CRACR2A: variants seen among roughly 807,000 people sequenced by gnomAD.
CRACR2A encodes calcium release activated channel regulator 2A.
In CRACR2A, 79 loss-of-function variants were observed where a neutral mutation model predicts 90.5. The ratio of observed to expected loss-of-function variants is 0.87; its 90% CI spans 0.73 to 1.05. CRACR2A has a LOEUF of 1.05. CRACR2A is among the 50% of genes least tolerant of loss of function. The pLI, the probability that CRACR2A is intolerant of heterozygous loss-of-function variation, is 0.00. For missense variants in CRACR2A, 823 were observed against 897.2 expected (o/e 0.92, Z 1.06); for synonymous variants, 338 against 356.7 (o/e 0.95, Z 0.59).
chr12:3,641,729 T>TA lies in CRACR2A; in HGVS notation c.1271+2dup. The TA allele has an allele frequency of 6.4e-7, 1 of 1,551,104 alleles. No homozygotes were observed. Among genetic ancestry groups the TA allele is most frequent in the Admixed American group, 2.0e-5 (1 of 51,004 alleles). ...AAGGGATGAGCAAGTGGAGATGACT[T>TA]ACCTCCTAAGAATCCCTCTGCTGTC... On this transcript the variant is annotated splice_region_variant and intron_variant, in intron 13 of 19. Coordinates refer to ENST00000440314, the MANE Select transcript of CRACR2A (RefSeq NM_001144958.2).
chr12:3,724,678 A>AC (rs1946234962), intron 2 of CRACR2A, among the ~76,000 whole-genome samples: 1 of 152,200 alleles, frequency 6.6e-6, no homozygotes. Context: ...TATCACCCAG[A>AC]CCGTCTGGGG....
At chr12:3,648,691 C>T in intron 10 of CRACR2A, 78 bp from the exon 11 acceptor site, 2 of 1,541,148 alleles carry the variant, frequency 1.3e-6, no homozygotes, top group Non-Finnish European at 1.8e-6. Flanking sequence ...TGGAGACCAG[C>T]AGGTGATGCC....
At chr12:3,742,882 T>C (rs1946549468) in intron 1 of CRACR2A, among the ~76,000 whole-genome samples, 2 of 152,254 alleles carry the variant, frequency 1.3e-5, no homozygotes. Context: ...GCAAAAGTTA[T>C]ACATGCTATC....
chr12:3,689,826 A>G (rs1294611186), intron 4 of CRACR2A, among the ~76,000 whole-genome samples: 1 of 150,332 alleles, frequency 6.7e-6, no homozygotes, highest in Non-Finnish European at 1.5e-5. Flanking sequence ...TCAGTTTCAG[A>G]GCTCATAATT....
At chr12:3,639,457 A>AACACACACGCACACAC (rs1555107011) in intron 13 of CRACR2A, among the ~76,000 whole-genome samples, 1 of 139,466 alleles carries the variant, frequency 7.2e-6, no homozygotes, top group African/African-American at 2.7e-5. Context: ...CCAGAATTGA[A>AACACACACGCACACAC]ACACACACAC....
chr12:3,629,717 C>T (rs1944343939), intron 15 of CRACR2A, among the ~76,000 whole-genome samples: 1 of 152,080 alleles, frequency 6.6e-6, no homozygotes. Context: ...ATGTTCTGTG[C>T]TGTGGTGAGC....
rs1322408546 is a variant in CRACR2A at position 3,711,038 on chromosome 12, C to T, written c.-37+2199G>A. ...AAATACACTCGTTCCATTCCAACAG[C>T]CTCAAAAGTCTCAACTCGTTCTAGC... is the stretch of plus-strand genomic sequence containing the variant. On this transcript the variant is annotated intron_variant, in intron 3 of 19. Transcript: ENST00000440314. The surrounding 1 kb of genome is among the most constrained non-coding windows in gnomAD (Gnocchi z 4.3). Among the ~76,000 whole-genome samples, 2 of 152,132 alleles carry T rather than the reference C, an allele frequency of 1.3e-5. No homozygotes were observed. The highest frequency in any genetic ancestry group is 6.5e-5 in the Admixed American group (1 of 15,278).
At chr12:3,702,661 T>C (rs1167521000) in intron 3 of CRACR2A, among the ~76,000 whole-genome samples, 1 of 152,196 alleles carries the variant, frequency 6.6e-6, no homozygotes, top group Non-Finnish European at 1.5e-5. Flanking sequence ...AATGGAGAGA[T>C]ATGCCATGTT....
At chr12:3,693,477 G>A (rs1276644502) in intron 4 of CRACR2A, among the ~76,000 whole-genome samples, 2 of 152,216 alleles carry the variant, frequency 1.3e-5, no homozygotes, top group Admixed American at 6.5e-5. Flanking sequence ...GTCGAGCCTA[G>A]GGAGATGGGT....
chr12:3,670,330 C>T (rs996742047), intron 7 of CRACR2A, among the ~76,000 whole-genome samples: 2 of 152,152 alleles, frequency 1.3e-5, no homozygotes, highest in Non-Finnish European at 2.9e-5. Context: ...CACAGCTCAC[C>T]AGAACCCGCT....
intron 2 of CRACR2A, among the ~76,000 whole-genome samples, chr12:3,725,717 C>G (rs868745601): frequency 3.3e-4 from 51 of 152,326 alleles, no homozygotes; most frequent in African/African-American, 1.2e-3. Context: ...GTGGGCCTCA[C>G]TCCAGAAATT....
Position 3,733,973 on chromosome 12 carries a change from A to ATTTTTT in CRACR2A, c.-386-769_-386-764dup, listed in dbSNP as rs1166347439. On this transcript the variant is annotated intron_variant, in intron 1 of 19. Coordinates refer to ENST00000440314, the MANE Select transcript of CRACR2A (RefSeq NM_001144958.2). ...TCCTAGACTGGACACATTTTGCCTT[A>ATTTTTT]TTTTTTTTTTTTTTTGAGATGGAGT... 0.014 allele frequency among the ~76,000 whole-genome samples: 1,424 copies of ATTTTTT among 99,752 alleles called. 241 individuals are homozygous for ATTTTTT. The East Asian group carries it at 0.15, about 11-fold the overall frequency. 65.4% of individuals were successfully genotyped at this position (99,752 alleles called of 152,430 possible). A position where few individuals can be genotyped will look rare whatever the true frequency, so the allele number is the denominator to read the frequency against.
intron 2 of CRACR2A, among the ~76,000 whole-genome samples, chr12:3,715,841 A>G (rs1946075161): frequency 2.0e-5 from 3 of 152,256 alleles, no homozygotes; most frequent in African/African-American, 7.2e-5. Flanking sequence ...AATCATGTCA[A>G]TGCAGTCTTT....
chr12:3,664,103 T>A (rs1945086102), intron 7 of CRACR2A, among the ~76,000 whole-genome samples: 1 of 152,254 alleles, frequency 6.6e-6, no homozygotes, highest in Non-Finnish European at 1.5e-5. Context: ...GGCTAAATAA[T>A]CTATAATGTT....
At chr12:3,660,613 G>A (rs976884844) in intron 7 of CRACR2A, among the ~76,000 whole-genome samples, 15 of 152,016 alleles carry the variant, frequency 9.9e-5, no homozygotes, top group African/African-American at 3.1e-4. Context: ...ATTCAAACAG[G>A]AAAGATCTGG....
intron 4 of CRACR2A, among the ~76,000 whole-genome samples, chr12:3,681,292 C>T (rs900291808): frequency 6.6e-6 from 1 of 152,164 alleles, no homozygotes; most frequent in African/African-American, 2.4e-5. Context: ...CTGCCATTGG[C>T]TTAAGGTATC....
chr12:3,654,124 G>T, intron 10 of CRACR2A, 88 bp downstream of exon 10: 1 of 1,484,508 alleles, frequency 6.7e-7, no homozygotes, highest in Non-Finnish European at 9.1e-7. Flanking sequence ...CAGGCAAGGA[G>T]ACAGGGTCTC....
At chr12:3,687,428 T>G (rs1207651182) in intron 4 of CRACR2A, among the ~76,000 whole-genome samples, 3 of 152,166 alleles carry the variant, frequency 2.0e-5, no homozygotes, top group Non-Finnish European at 4.4e-5. Context: ...AGCTCCCACT[T>G]ATAAGTAGGA....
chr12:3,701,577 C>T (rs1020468713), intron 3 of CRACR2A, among the ~76,000 whole-genome samples: 5 of 152,056 alleles, frequency 3.3e-5, no homozygotes, highest in Admixed American at 6.5e-5. Flanking sequence ...ATTAGATGAA[C>T]TGATTCCTTG....
Sources: allele counts gnomAD v4.1 joint callset (sites outside exome capture counted in the v4.1 genomes callset), GRCh38; gene constraint gnomAD v4.1.1; non-coding constraint Gnocchi (gnomAD v3.1); transcripts MANE v1.5; gene names NCBI Gene and HGNC (gene_info 2026-07-23, HGNC 2026-07-21).